The following ZBTB20 variants were observed in gnomAD, a reference collection of about 807,000 sequenced individuals.
The protein encoded by ZBTB20 is zinc finger and BTB domain-containing protein 20.
ZBTB20 carries 9 observed loss-of-function variants against 56.9 expected under a neutral mutation model. That is an observed-to-expected ratio of 0.16 (90% CI 0.10 to 0.28). The LOEUF (loss-of-function observed/expected upper bound fraction) is 0.28. Ranked by LOEUF, ZBTB20 falls within the 10% of genes least tolerant of loss-of-function variation. ZBTB20 has a pLI of 1.00. For missense variants in ZBTB20, 655 were observed against 1,003.0 expected, an observed-to-expected ratio of 0.65 and a Z score of 4.69; for synonymous variants, 417 against 420.7, an observed-to-expected ratio of 0.99 and a Z score of 0.11.
intron 2 of ZBTB20, among the ~76,000 whole-genome samples, chr3:115,021,023 T>C (rs1457710076): frequency 1.3e-5 from 2 of 151,146 alleles, no homozygotes; most frequent in East Asian, 3.9e-4. Context: ...AAAGGCAGGA[T>C]ACAGCCATGG....
chr3:114,981,225 C>T (rs956040420), intron 2 of ZBTB20, among the ~76,000 whole-genome samples: 1 of 151,976 alleles, frequency 6.6e-6, no homozygotes, highest in African/African-American at 2.4e-5. Flanking sequence ...TAGGAGATTG[C>T]ACTCATACAG....
chr3:114,814,793 A>G (rs1578994611), intron 4 of ZBTB20, among the ~76,000 whole-genome samples: 3 of 152,342 alleles, frequency 2.0e-5, no homozygotes, highest in Admixed American at 2.0e-4. Flanking sequence ...TACCCTGTCC[A>G]AGGCACCTAG....
chr3:115,117,804 T>C (rs1321535806), intron 1 of ZBTB20, among the ~76,000 whole-genome samples: 1 of 152,186 alleles, frequency 6.6e-6, no homozygotes, highest in Non-Finnish European at 1.5e-5. Flanking sequence ...TGTTTAAATA[T>C]AGTAAAAGGA....
At chr3:114,886,120 G>A (rs1356863336) in intron 4 of ZBTB20, among the ~76,000 whole-genome samples, 1 of 152,196 alleles carries the variant, frequency 6.6e-6, no homozygotes, top group Non-Finnish European at 1.5e-5. Context: ...TTACTTAAAA[G>A]GGGAAAACAC....
chr3:114,507,683 T>C (rs538321489), intron 6 of ZBTB20, among the ~76,000 whole-genome samples: 2 of 152,282 alleles, frequency 1.3e-5, no homozygotes, highest in East Asian at 3.9e-4. Flanking sequence ...ATAAAATAAA[T>C]GCAGCTCTGC....
intron 6 of ZBTB20, among the ~76,000 whole-genome samples, chr3:114,619,552 T>C (rs1267666802): frequency 6.6e-6 from 1 of 152,138 alleles, no homozygotes; most frequent in Admixed American, 6.5e-5. Flanking sequence ...AGTTACTCTC[T>C]GGATGTGATT....
chr3:114,461,301 C>T (rs187475378), intron 7 of ZBTB20, among the ~76,000 whole-genome samples: 4 of 151,186 alleles, frequency 2.6e-5, no homozygotes, highest in Middle Eastern at 3.4e-3. Flanking sequence ...TCTCCTCCCC[C>T]CCCCCTCTTT....
At chr3:114,875,583 T>C (rs1576192307) in intron 4 of ZBTB20, among the ~76,000 whole-genome samples, 1 of 152,054 alleles carries the variant, frequency 6.6e-6, no homozygotes, top group Admixed American at 6.6e-5. Context: ...AAACAAGATA[T>C]ATGATGCGTA....
intron 7 of ZBTB20, among the ~76,000 whole-genome samples, chr3:114,422,723 T>C (rs2089295814): frequency 6.6e-6 from 1 of 152,192 alleles, no homozygotes; most frequent in African/African-American, 2.4e-5. Context: ...TAACCGCTGA[T>C]TATTTAGGTA....
intron 6 of ZBTB20, among the ~76,000 whole-genome samples, chr3:114,624,702 A>T (rs1452298202): frequency 1.3e-5 from 2 of 152,122 alleles, no homozygotes; most frequent in East Asian, 3.9e-4. Flanking sequence ...TCAGAAGGGA[A>T]GTTCAGGGAA....
intron 4 of ZBTB20, among the ~76,000 whole-genome samples, chr3:114,877,012 C>T (rs1002941032): frequency 1.3e-5 from 2 of 152,106 alleles, no homozygotes; most frequent in African/African-American, 4.8e-5. Context: ...AAATAGCTGC[C>T]ACAATAAATA....
At chr3:114,804,561 T>A (rs1293269602) in intron 4 of ZBTB20, among the ~76,000 whole-genome samples, 1 of 151,988 alleles carries the variant, frequency 6.6e-6, no homozygotes, top group African/African-American at 2.4e-5. Context: ...CAGCCCTGTT[T>A]GTGGTCAGCA....
At chr3:115,101,999 T>C (rs2083599351) in intron 1 of ZBTB20, among the ~76,000 whole-genome samples, 1 of 152,216 alleles carries the variant, frequency 6.6e-6, no homozygotes. Flanking sequence ...AAATAAATTT[T>C]GGGTCATGTT....
At chr3:114,558,340 C>T (rs1559958137) in intron 6 of ZBTB20, among the ~76,000 whole-genome samples, 1 of 151,976 alleles carries the variant, frequency 6.6e-6, no homozygotes, top group East Asian at 1.9e-4. Flanking sequence ...TCAGTTACTT[C>T]AACAATCCTC....
intron 6 of ZBTB20, among the ~76,000 whole-genome samples, chr3:114,654,993 A>G (rs924026619): frequency 1.3e-5 from 2 of 152,058 alleles, no homozygotes; most frequent in Non-Finnish European, 2.9e-5. Context: ...CATTGTATAT[A>G]TCTTTCTATC....
At chr3:114,550,999 G>T (rs1321056421) in intron 6 of ZBTB20, among the ~76,000 whole-genome samples, 1 of 152,058 alleles carries the variant, frequency 6.6e-6, no homozygotes, top group Non-Finnish European at 1.5e-5. Context: ...GATCGGCCCA[G>T]CTCAGCCTCC....
chr3:114,669,534 C>A (rs1465418109), intron 6 of ZBTB20, among the ~76,000 whole-genome samples: 4 of 151,646 alleles, frequency 2.6e-5, no homozygotes, highest in African/African-American at 9.7e-5. Context: ...CCTTTGAATT[C>A]CAGGAGGTAT....
At chr3:114,936,516 G>A (rs927510255) in intron 3 of ZBTB20, among the ~76,000 whole-genome samples, 5 of 151,658 alleles carry the variant, frequency 3.3e-5, no homozygotes, top group Admixed American at 1.3e-4. Flanking sequence ...TCAAATACAC[G>A]GTCAAAAATG....
At chr3:114,661,105 A>G (rs575164153) in intron 6 of ZBTB20, among the ~76,000 whole-genome samples, 1 of 152,242 alleles carries the variant, frequency 6.6e-6, no homozygotes, top group East Asian at 1.9e-4. Flanking sequence ...AGCTAAGTAG[A>G]CTGTTCACAT....
Sources: allele counts gnomAD v4.1 joint callset (sites outside exome capture counted in the v4.1 genomes callset), GRCh38; gene constraint gnomAD v4.1.1; transcripts MANE v1.5; gene names NCBI Gene and HGNC (gene_info 2026-07-23, HGNC 2026-07-21).